NWD2: variants seen among roughly 807,000 people sequenced by gnomAD.
NWD2 encodes the protein NACHT and WD repeat domain-containing protein 2.
NWD2 carries 37 observed loss-of-function variants against 132.7 expected under a neutral mutation model. The observed-to-expected ratio is 0.28, with a 90% CI of 0.21 to 0.37. The LOEUF (loss-of-function observed/expected upper bound fraction) is 0.37. NWD2 is among the 10% of genes least tolerant of loss of function. The pLI is 1.00. For missense variants in NWD2, 1,592 were observed against 2,122.4 expected, an observed-to-expected ratio of 0.75 and a Z score of 4.91; for synonymous variants, 705 against 803.0, an observed-to-expected ratio of 0.88 and a Z score of 2.06.
chr4:37,416,685 A>C (rs1003134371), intron 3 of NWD2, among the ~76,000 whole-genome samples: 4 of 152,248 alleles, frequency 2.6e-5, no homozygotes, highest in African/African-American at 9.6e-5. Flanking sequence ...TGCAATTGCA[A>C]AAATATAGAA....
intron 3 of NWD2, among the ~76,000 whole-genome samples, chr4:37,360,775 T>C (rs748436415): frequency 1.3e-5 from 2 of 152,180 alleles, no homozygotes; most frequent in Admixed American, 6.6e-5. Context: ...GCTAATTCTC[T>C]CATTATCTCA....
chr4:37,334,189 G>C (rs1719352999), intron 2 of NWD2, among the ~76,000 whole-genome samples: 1 of 152,158 alleles, frequency 6.6e-6, no homozygotes, highest in Non-Finnish European at 1.5e-5. Flanking sequence ...CAGTATTCAA[G>C]TACAAGATTA....
At chr4:37,250,642 A>T (rs1366869174) in intron 1 of NWD2, among the ~76,000 whole-genome samples, 2 of 152,216 alleles carry the variant, frequency 1.3e-5, no homozygotes, top group Non-Finnish European at 2.9e-5. Flanking sequence ...CATGATCCAG[A>T]CACTGTGCAG....
chr4:37,298,003 C>T (rs1036136227), intron 1 of NWD2, among the ~76,000 whole-genome samples: 4 of 152,134 alleles, frequency 2.6e-5, no homozygotes. Flanking sequence ...GCCACTGCAA[C>T]ACGCCACAGG....
chr4:37,374,581 C>T (rs1430350779), intron 3 of NWD2, among the ~76,000 whole-genome samples: 1 of 152,004 alleles, frequency 6.6e-6, no homozygotes, highest in Non-Finnish European at 1.5e-5. Flanking sequence ...GAAATCTAAT[C>T]CTAGAATTAC....
chr4:37,374,778 ATACT>A (rs1720310056), intron 3 of NWD2, among the ~76,000 whole-genome samples: 1 of 152,250 alleles, frequency 6.6e-6, no homozygotes, highest in African/African-American at 2.4e-5. Flanking sequence ...AACAATACTA[ATACT>A]TAGCACTGAC....
chr4:37,444,309 C>T lies in NWD2; in HGVS notation c.2321C>T (p.Ala774Val), dbSNP rs1232309145. 5 of 1,551,594 alleles carry T rather than the reference C, an allele frequency of 3.2e-6. No homozygotes were observed. The East Asian group carries it at 1.2e-4, about 38-fold the overall frequency. ...LGVWSGGRRK[A>V]FCLEDPYLNG... ...GTTTGGTCAGGGGGCAGGAGGAAAG[C>T]CTTCTGCCTTGAGGACCCCTACTTG... is the stretch of plus-strand genomic sequence containing the variant. Residue 774 changes from alanine to valine, a missense_variant, in exon 7 of 7, where the codon GCC becomes GTC. Around this residue, in one of 7 missense-constraint regions of NWD2, gnomAD observed 1,071 missense variants for 1,398.0 expected, o/e 0.77. Coordinates refer to ENST00000309447, the MANE Select transcript of NWD2 (RefSeq NM_001144990.2). This position sits in a 1 kb window ranked among gnomAD's most constrained non-coding sequence, Gnocchi z 4.8.
intron 1 of NWD2, among the ~76,000 whole-genome samples, chr4:37,325,103 A>G (rs561078109): frequency 1.3e-5 from 2 of 152,188 alleles, no homozygotes; most frequent in Non-Finnish European, 2.9e-5. Context: ...TTAGAATCTT[A>G]CAGTGCCATC....
At chr4:37,326,653 A>T (rs965731974) in intron 2 of NWD2, among the ~76,000 whole-genome samples, 2 of 152,158 alleles carry the variant, frequency 1.3e-5, no homozygotes, top group African/African-American at 2.4e-5. Context: ...TATCTTGGGC[A>T]TCCAAATGTT....
chr4:37,388,791 A>G (rs943654147), intron 3 of NWD2, among the ~76,000 whole-genome samples: 2 of 149,634 alleles, frequency 1.3e-5, no homozygotes, highest in Non-Finnish European at 3.0e-5. Context: ...TACATTCACA[A>G]TGTTGCATAA....
At chr4:37,275,993 A>T (rs1718003956) in intron 1 of NWD2, among the ~76,000 whole-genome samples, 1 of 152,186 alleles carries the variant, frequency 6.6e-6, no homozygotes, top group Non-Finnish European at 1.5e-5. Flanking sequence ...AACCATAAAA[A>T]CCCTAGAAGA....
intron 1 of NWD2, among the ~76,000 whole-genome samples, chr4:37,266,902 C>T (rs990849461): frequency 4.6e-5 from 7 of 151,900 alleles, no homozygotes; most frequent in Non-Finnish European, 1.0e-4. Context: ...AATACTTTAA[C>T]ACAAAAGATA....
intron 1 of NWD2, among the ~76,000 whole-genome samples, chr4:37,311,597 T>C (rs1193412712): frequency 6.7e-6 from 1 of 149,054 alleles, no homozygotes; most frequent in Non-Finnish European, 1.5e-5. Flanking sequence ...CTGTTCACTC[T>C]GATGGTAGTT....
At chr4:37,269,131 A>G (rs541938414) in intron 1 of NWD2, among the ~76,000 whole-genome samples, 183 of 151,994 alleles carry the variant, frequency 1.2e-3, no homozygotes, top group African/African-American at 4.3e-3. Context: ...GGACTTAAAT[A>G]TGATAGCCTG....
Position 37,445,294 on chromosome 4 carries a change from G to A in NWD2, c.3306G>A (p.Thr1102=), listed in dbSNP as rs112552077. 2.3e-5 allele frequency: 36 copies of A among 1,552,016 alleles called. No individual in the cohort carries two copies. Among genetic ancestry groups the A allele is most frequent in the Admixed American group, 1.4e-4 (7 of 51,012 alleles). The part of the protein sequence containing the change: ...LYQFHCWYEV[T]CVQCSLDGLY... ...AGTTCCACTGCTGGTATGAAGTGAC[G>A]TGCGTCCAGTGCTCCCTGGATGGTC... The change falls in exon 7 of 7, where the codon ACG becomes ACA. Residue 1102 remains threonine (T), a synonymous_variant. Coordinates refer to ENST00000309447, the MANE Select transcript of NWD2 (RefSeq NM_001144990.2). The surrounding 1 kb of genome is among the most constrained non-coding windows in gnomAD (Gnocchi z 4.7).
intron 2 of NWD2, among the ~76,000 whole-genome samples, chr4:37,336,507 T>C (rs1017262031): frequency 2.0e-4 from 30 of 152,202 alleles, no homozygotes; most frequent in Non-Finnish European, 1.8e-4. Flanking sequence ...CCTGATGGGA[T>C]AATGGCCTGA....
chr4:37,407,767 G>A (rs1336845262), intron 3 of NWD2, among the ~76,000 whole-genome samples: 3 of 152,178 alleles, frequency 2.0e-5, no homozygotes, highest in African/African-American at 4.8e-5. Context: ...GATCAGCTCC[G>A]GTCTGCAGCT....
At chr4:37,263,590 TAATGTA>T (rs1717692395) in intron 1 of NWD2, among the ~76,000 whole-genome samples, 1 of 152,184 alleles carries the variant, frequency 6.6e-6, no homozygotes, top group African/African-American at 2.4e-5. Context: ...GCTAGTGAGA[TAATGTA>T]TTGAAGGCAT....
chr4:37,292,692 T>G (rs1354283126), intron 1 of NWD2, among the ~76,000 whole-genome samples: 1 of 152,162 alleles, frequency 6.6e-6, no homozygotes, highest in Non-Finnish European at 1.5e-5. Context: ...ACTGGTTTCA[T>G]GGACAACAAC....
Sources: gnomAD v4.1 joint callset for allele counts (sites outside exome capture counted in the v4.1 genomes callset) on GRCh38, gnomAD v4.1.1 for gene constraint, gnomAD v4.1.1 regional missense constraint, Gnocchi (gnomAD v3.1) non-coding constraint, MANE v1.5 for transcripts, NCBI Gene and HGNC (gene_info 2026-07-23, HGNC 2026-07-21) for gene names.